CAMTA1: variants seen among roughly 807,000 people sequenced by gnomAD.
The protein encoded by CAMTA1 is calmodulin binding transcription activator 1, also known as calmodulin-binding transcription activator 1.
Under a neutral mutation model 170.9 loss-of-function variants are expected in CAMTA1, and 27 were observed. That is an observed-to-expected ratio of 0.16 (90% CI 0.12 to 0.22). The LOEUF (loss-of-function observed/expected upper bound fraction) is 0.22, where lower values mean the gene tolerates loss of function less well. Ranked by LOEUF, CAMTA1 falls within the 10% of genes least tolerant of loss-of-function variation. The pLI, the probability that CAMTA1 is intolerant of heterozygous loss-of-function variation, is 1.00. For missense variants in CAMTA1, 1,619 were observed against 2,217.2 expected (o/e 0.73, Z 5.42); for synonymous variants, 833 against 891.5 (o/e 0.93, Z 1.17).
intron 7 of CAMTA1, among the ~76,000 whole-genome samples, chr1:7,658,898 C>G (rs1222795437): frequency 1.3e-5 from 2 of 152,182 alleles, no homozygotes; most frequent in Non-Finnish European, 2.9e-5. Context: ...GCACTGTCCA[C>G]CTGAAGAAAA....
intron 5 of CAMTA1, among the ~76,000 whole-genome samples, chr1:7,449,222 G>C (rs2092753239): frequency 6.6e-6 from 1 of 152,252 alleles, no homozygotes; most frequent in Admixed American, 6.5e-5. Flanking sequence ...TGTAGGCCTA[G>C]ACATTTGTCA....
intron 22 of CAMTA1, among the ~76,000 whole-genome samples, chr1:7,761,883 G>A (rs2096979114): frequency 1.3e-5 from 2 of 151,864 alleles, no homozygotes; most frequent in African/African-American, 4.8e-5. Flanking sequence ...CTAACAAGCA[G>A]CTCATGCCTG....
At position 7,635,060 on chromosome 1, in the gene CAMTA1, C is replaced by T. The variant is rs977312866; in HGVS notation, c.511-5340C>T. Among the ~76,000 whole-genome samples, 2 of 152,192 alleles carry T rather than the reference C, an allele frequency of 1.3e-5. No homozygotes were observed. The highest frequency in any genetic ancestry group is 6.5e-5 in the Admixed American group (1 of 15,288). ...ACCACCACAGTCACAGACCATGCCACGGGGCTCTCTCTCCCCAGCCTTTGG... is the reference window on the plus strand; with the variant it reads ...ACCACCACAGTCACAGACCATGCCATGGGGCTCTCTCTCCCCAGCCTTTGG... On this transcript the variant is annotated intron_variant, in intron 6 of 22. Coordinates refer to ENST00000303635, the MANE Select transcript of CAMTA1 (RefSeq NM_015215.4). This position sits in a 1 kb window ranked among gnomAD's most constrained non-coding sequence, Gnocchi z 4.4.
chr1:6,947,490 C>T (rs1687765877), intron 3 of CAMTA1, among the ~76,000 whole-genome samples: 3 of 151,780 alleles, frequency 2.0e-5, no homozygotes, highest in Admixed American at 2.0e-4. Context: ...ATTATCTCAT[C>T]TCACCTCAGC....
At chr1:6,955,448 G>A (rs1465067736) in intron 3 of CAMTA1, among the ~76,000 whole-genome samples, 1 of 152,184 alleles carries the variant, frequency 6.6e-6, no homozygotes, top group Non-Finnish European at 1.5e-5. Flanking sequence ...AATAGTACTT[G>A]GGGTTTGGAG....
chr1:7,514,588 A>T (rs138413508), intron 6 of CAMTA1, among the ~76,000 whole-genome samples: 1 of 152,232 alleles, frequency 6.6e-6, no homozygotes. Context: ...ATCCTTTTGC[A>T]TAGAAACAAC....
At chr1:6,804,033 A>T (rs915696850) in intron 1 of CAMTA1, among the ~76,000 whole-genome samples, 2 of 152,180 alleles carry the variant, frequency 1.3e-5, no homozygotes, top group Non-Finnish European at 2.9e-5. Context: ...AAAAAAATAC[A>T]AAAAGCTGGG....
chr1:7,145,947 A>G (rs1035915768), intron 4 of CAMTA1, among the ~76,000 whole-genome samples: 20 of 152,094 alleles, frequency 1.3e-4, no homozygotes, highest in African/African-American at 4.3e-4. Context: ...CAGTTTCTTT[A>G]TGTCCCTGAG....
chr1:7,187,703 C>T (rs1653668765), intron 4 of CAMTA1, among the ~76,000 whole-genome samples: 1 of 152,224 alleles, frequency 6.6e-6, no homozygotes, highest in Admixed American at 6.5e-5. Flanking sequence ...CTTCCTGGCA[C>T]CAACCTTCAT....
chr1:7,359,289 G>A (rs944812849), intron 5 of CAMTA1, among the ~76,000 whole-genome samples: 3 of 152,184 alleles, frequency 2.0e-5, no homozygotes, highest in Non-Finnish European at 4.4e-5. Flanking sequence ...GGCATGCTGA[G>A]TGGGTCCTAG....
intron 4 of CAMTA1, among the ~76,000 whole-genome samples, chr1:7,204,277 T>A (rs1270266490): frequency 6.6e-6 from 1 of 152,168 alleles, no homozygotes; most frequent in Non-Finnish European, 1.5e-5. Context: ...AATTTGAGAT[T>A]TTTCTTTCTT....
At chr1:7,710,969 C>G (rs955588132) in intron 11 of CAMTA1, among the ~76,000 whole-genome samples, 2 of 152,176 alleles carry the variant, frequency 1.3e-5, no homozygotes, top group Admixed American at 6.5e-5. Context: ...AGGCCTGGCT[C>G]ATACACCCCT....
At chr1:6,803,841 A>G (rs1033623651) in intron 1 of CAMTA1, among the ~76,000 whole-genome samples, 14 of 152,068 alleles carry the variant, frequency 9.2e-5, no homozygotes, top group African/African-American at 2.9e-4. Context: ...CAGACTCCCA[A>G]GTGGTTAGGA....
chr1:7,376,490 C>A (rs938166798), intron 5 of CAMTA1, among the ~76,000 whole-genome samples: 1 of 152,190 alleles, frequency 6.6e-6, no homozygotes, highest in Admixed American at 6.5e-5. Flanking sequence ...TCTATGGAGA[C>A]AGAGTATAAG....
At chr1:6,891,861 A>G (rs1268860349) in intron 3 of CAMTA1, among the ~76,000 whole-genome samples, 2 of 152,170 alleles carry the variant, frequency 1.3e-5, no homozygotes, top group Non-Finnish European at 2.9e-5. Flanking sequence ...ACAACATCTC[A>G]TTTGGTTTCT....
At chr1:7,624,204 G>A (rs1040796192) in intron 6 of CAMTA1, among the ~76,000 whole-genome samples, 14 of 152,224 alleles carry the variant, frequency 9.2e-5, no homozygotes, top group African/African-American at 2.9e-4. Context: ...GTTGCCTTGC[G>A]CCTGTGCAGA....
chr1:6,790,552 GTATTTTTT>G (rs1640807199), intron 1 of CAMTA1, among the ~76,000 whole-genome samples: 1 of 152,038 alleles, frequency 6.6e-6, no homozygotes, highest in African/African-American at 2.4e-5. Context: ...AGAGTCAAAT[GTATTTTTT>G]ATATAAGGAA....
intron 3 of CAMTA1, among the ~76,000 whole-genome samples, chr1:6,991,178 T>C (rs1474555540): frequency 1.3e-5 from 2 of 152,210 alleles, no homozygotes; most frequent in African/African-American, 4.8e-5. Flanking sequence ...TTTTGGCTAT[T>C]ATGAATAAAA....
At chr1:7,627,650 T>C (rs936757777) in intron 6 of CAMTA1, among the ~76,000 whole-genome samples, 5 of 152,192 alleles carry the variant, frequency 3.3e-5, no homozygotes, top group Non-Finnish European at 7.3e-5. Context: ...CTAAGGCAGT[T>C]GTCTCTGGAG....
Sources: allele counts gnomAD v4.1 joint callset (sites outside exome capture counted in the v4.1 genomes callset), GRCh38; gene constraint gnomAD v4.1.1; non-coding constraint Gnocchi (gnomAD v3.1); transcripts MANE v1.5; gene names NCBI Gene and HGNC (gene_info 2026-07-23, HGNC 2026-07-21).